The following PLXNA2 variants were observed in gnomAD, a reference collection of about 807,000 sequenced individuals.
PLXNA2 encodes the protein plexin A2, also known as plexin-A2.
Under a neutral mutation model 193.5 loss-of-function variants are expected in PLXNA2, and 91 were observed. The observed-to-expected ratio is 0.47, with a 90% CI of 0.40 to 0.56. The LOEUF (loss-of-function observed/expected upper bound fraction) is 0.56, where lower values mean the gene tolerates loss of function less well. Ranked by LOEUF, PLXNA2 falls within the 20% of genes least tolerant of loss-of-function variation. The pLI, the probability that PLXNA2 is intolerant of heterozygous loss-of-function variation, is 0.00. For missense variants in PLXNA2, 1,995 were observed against 2,503.2 expected (o/e 0.80, Z 4.33); for synonymous variants, 997 against 1,027.3 (o/e 0.97, Z 0.56).
At chr1:208,115,068 C>T (rs1446395235) in intron 4 of PLXNA2, among the ~76,000 whole-genome samples, 1 of 152,152 alleles carries the variant, frequency 6.6e-6, no homozygotes, top group East Asian at 1.9e-4. Context: ...CTAGGCTTTG[C>T]TGGATCCAGT....
At chr1:208,204,628 G>A (rs1281902119) in intron 3 of PLXNA2, among the ~76,000 whole-genome samples, 4 of 152,104 alleles carry the variant, frequency 2.6e-5, no homozygotes, top group Non-Finnish European at 2.9e-5. Flanking sequence ...ATTTCAATTC[G>A]TACAAATAGA....
intron 1 of PLXNA2, among the ~76,000 whole-genome samples, chr1:208,221,100 G>A (rs149160544): frequency 0.017 from 2,543 of 152,322 alleles, 34 homozygotes; most frequent in South Asian, 0.07. Context: ...CAGGAAGAAA[G>A]GTGGGAGACT....
chr1:208,216,759 C>T lies in PLXNA2; in HGVS notation c.1164G>A (p.Gly388=), dbSNP rs764264638. The part of the protein sequence containing the change: ...EGNLELNWLL[G]KDVQCTKAPV... The stretch of plus-strand genomic sequence containing the variant: ...CCGCCTTGGTGCACTGGACGTCCTT[C>T]CCCAGCAGCCAGTTGAGCTCCAGGT... The change falls in exon 2 of 32, where the codon GGG becomes GGA. Residue 388 remains glycine, a synonymous_variant. Coordinates refer to ENST00000367033, the MANE Select transcript of PLXNA2 (RefSeq NM_025179.4). 3 of 1,613,462 alleles carry T rather than the reference C, an allele frequency of 1.9e-6. No individual in the cohort carries two copies. Among genetic ancestry groups the T allele is most frequent in the Admixed American group, 3.3e-5 (2 of 60,004 alleles).
At position 208,082,404 on chromosome 1, in the gene PLXNA2, C is replaced by A. The variant is rs747531215; in HGVS notation, c.2395+8G>T. ...AGATCAAACTTCTACCCGGAAGTAG[C>A]CGCTTACCTTTCAGGTCCTGAGGGT... On this transcript the variant is annotated splice_region_variant and intron_variant, in intron 11 of 31. Coordinates refer to ENST00000367033, the MANE Select transcript of PLXNA2 (RefSeq NM_025179.4). This position sits in a 1 kb window ranked among gnomAD's most constrained non-coding sequence, Gnocchi z 4.2. 4 of 1,611,786 alleles carry A rather than the reference C, an allele frequency of 2.5e-6. No individual in the cohort carries two copies. Among genetic ancestry groups the A allele is most frequent in the Non-Finnish European group, 1.7e-6 (2 of 1,178,024 alleles).
intron 4 of PLXNA2, among the ~76,000 whole-genome samples, chr1:208,117,763 A>G (rs1032016754): frequency 7.2e-5 from 11 of 152,168 alleles, no homozygotes; most frequent in African/African-American, 2.7e-4. Flanking sequence ...CCTTTCTACA[A>G]AGTGGATCCA....
intron 3 of PLXNA2, among the ~76,000 whole-genome samples, chr1:208,157,479 C>G (rs1668972662): frequency 6.6e-6 from 1 of 152,182 alleles, no homozygotes; most frequent in South Asian, 2.1e-4. Context: ...GGTCTTTTTA[C>G]TCTGTGCTTA....
At chr1:208,123,533 A>G (rs898384344) in intron 4 of PLXNA2, among the ~76,000 whole-genome samples, 3 of 152,200 alleles carry the variant, frequency 2.0e-5, no homozygotes, top group Admixed American at 1.3e-4. Context: ...CTCCAAGTGT[A>G]AGGGTCTCTT....
chr1:208,035,842 C>T (rs981886967), intron 26 of PLXNA2, among the ~76,000 whole-genome samples: 2 of 152,184 alleles, frequency 1.3e-5, no homozygotes, highest in African/African-American at 4.8e-5. Context: ...TATAAATGAA[C>T]ATTAGTGCTA....
chr1:208,242,802 C>A (rs894848571), intron 1 of PLXNA2, among the ~76,000 whole-genome samples: 2 of 152,100 alleles, frequency 1.3e-5, no homozygotes, highest in African/African-American at 4.8e-5. Context: ...GGCATCTAGA[C>A]CATGATTGGC....
rs967989471 is a variant in PLXNA2 at position 208,218,106 on chromosome 1, T to C, written c.-80-104A>G. On this transcript the variant is annotated intron_variant, in intron 1 of 31. Transcript: ENST00000367033. Reference sequence around the variant, plus strand: ...CCATCCTGGTTTAGCTCTGTGAGTCTCCTCCTTCTGCATTTTGGTTTTTCT... The same window carrying C: ...CCATCCTGGTTTAGCTCTGTGAGTCCCCTCCTTCTGCATTTTGGTTTTTCT... The C allele has an allele frequency of 5.7e-5, 53 of 922,080 alleles. 2 individuals are homozygous for C. In the Admixed American group the frequency reaches 1.3e-3, roughly 23 times the overall value. The allele number at this position is 922,080 out of a possible 1,614,324, so 57.1% of individuals were successfully genotyped here.
At chr1:208,126,387 T>C (rs573953262) in intron 4 of PLXNA2, among the ~76,000 whole-genome samples, 24 of 152,282 alleles carry the variant, frequency 1.6e-4, no homozygotes, top group African/African-American at 4.8e-4. Flanking sequence ...GGGAATCAAA[T>C]AGACTTTCTG....
intron 3 of PLXNA2, among the ~76,000 whole-genome samples, chr1:208,199,663 C>G (rs1000174448): frequency 3.3e-5 from 5 of 150,830 alleles, no homozygotes; most frequent in African/African-American, 1.2e-4. Context: ...TGCACTCCAG[C>G]CTGGTGACAA....
At chr1:208,174,999 T>C (rs550781743) in intron 3 of PLXNA2, among the ~76,000 whole-genome samples, 1 of 152,296 alleles carries the variant, frequency 6.6e-6, no homozygotes, top group South Asian at 2.1e-4. Flanking sequence ...TTGCTGCCTC[T>C]GGGGGAGCTG....
intron 5 of PLXNA2, among the ~76,000 whole-genome samples, chr1:208,101,144 A>G (rs1667084592): frequency 6.6e-6 from 1 of 152,192 alleles, no homozygotes; most frequent in Non-Finnish European, 1.5e-5. Flanking sequence ...GCTCTTTTTT[A>G]TCATACTATT....
intron 12 of PLXNA2, among the ~76,000 whole-genome samples, chr1:208,066,034 ATGTG>A (rs372632260): frequency 6.7e-6 from 1 of 149,972 alleles, no homozygotes; most frequent in Non-Finnish European, 1.5e-5. Flanking sequence ...TGGGGGGTGT[ATGTG>A]TGTGTGTGTG....
intron 12 of PLXNA2, among the ~76,000 whole-genome samples, chr1:208,064,812 G>C (rs972420915): frequency 6.6e-6 from 1 of 152,154 alleles, no homozygotes; most frequent in Non-Finnish European, 1.5e-5. Flanking sequence ...GAGCGGGAGT[G>C]AGCAGGATCT....
chr1:208,147,844 T>C (rs763312718), intron 3 of PLXNA2, among the ~76,000 whole-genome samples: 4 of 152,116 alleles, frequency 2.6e-5, no homozygotes, highest in African/African-American at 4.8e-5. Context: ...CTTCCCCCTT[T>C]AGGATCCCAA....
intron 9 of PLXNA2, among the ~76,000 whole-genome samples, chr1:208,092,041 T>C (rs1246348814): frequency 1.3e-5 from 2 of 152,200 alleles, no homozygotes; most frequent in Non-Finnish European, 2.9e-5. Flanking sequence ...TGCTGGGGTA[T>C]GAAAAGCTTT....
chr1:208,064,143 G>T (rs747808268), intron 12 of PLXNA2, among the ~76,000 whole-genome samples: 1 of 152,088 alleles, frequency 6.6e-6, no homozygotes, highest in African/African-American at 2.4e-5. Context: ...AAAGAAGGTC[G>T]CCAGGCCCTA....
Sources: gnomAD v4.1 joint callset for allele counts (sites outside exome capture counted in the v4.1 genomes callset) on GRCh38, gnomAD v4.1.1 for gene constraint, Gnocchi (gnomAD v3.1) non-coding constraint, MANE v1.5 for transcripts, NCBI Gene and HGNC (gene_info 2026-07-23, HGNC 2026-07-21) for gene names.